Variants in RIMS2 observed in about 807,000 individuals in gnomAD.
RIMS2 encodes the protein regulating synaptic membrane exocytosis protein 2.
RIMS2 carries 59 observed loss-of-function variants against 174.4 expected under a neutral mutation model. The observed-to-expected ratio is 0.34, with a 90% CI of 0.27 to 0.42. The LOEUF is 0.42. Ranked by LOEUF, RIMS2 falls within the 10% of genes least tolerant of loss-of-function variation. RIMS2 has a pLI of 1.00. For missense variants in RIMS2, 1,620 were observed against 1,666.3 expected, an observed-to-expected ratio of 0.97 and a Z score of 0.48; for synonymous variants, 606 against 572.5, an observed-to-expected ratio of 1.06 and a Z score of -0.84.
intron 16 of RIMS2, among the ~76,000 whole-genome samples, chr8:103,980,760 C>T (rs2093828993): frequency 3.3e-5 from 5 of 152,152 alleles, no homozygotes; most frequent in Admixed American, 3.3e-4. Context: ...AAACCTTGGG[C>T]TTTCAGTGAA....
At chr8:104,018,775 A>G (rs1241899098) in intron 19 of RIMS2, among the ~76,000 whole-genome samples, 1 of 152,178 alleles carries the variant, frequency 6.6e-6, no homozygotes, top group Non-Finnish European at 1.5e-5. Context: ...TTTATAGACC[A>G]TGATCATTTT....
chr8:104,231,702 G>T (rs2099230215), intron 19 of RIMS2, among the ~76,000 whole-genome samples: 1 of 152,090 alleles, frequency 6.6e-6, no homozygotes, highest in Admixed American at 6.5e-5. Context: ...TACCTATCTT[G>T]ATGAATATCG....
chr8:104,065,130 A>C (rs2097082145), intron 19 of RIMS2, among the ~76,000 whole-genome samples: 1 of 152,068 alleles, frequency 6.6e-6, no homozygotes, highest in Admixed American at 6.6e-5. Flanking sequence ...TCTGTGGTCA[A>C]GTGGTTATTC....
At chr8:103,788,275 A>G (rs908106596) in intron 3 of RIMS2, among the ~76,000 whole-genome samples, 55 of 150,968 alleles carry the variant, frequency 3.6e-4, no homozygotes, top group Non-Finnish European at 1.6e-4. Flanking sequence ...TCAGCTCGTC[A>G]AAGTCATTCT....
At chr8:103,727,866 T>A (rs1197454928) in intron 2 of RIMS2, among the ~76,000 whole-genome samples, 4 of 152,240 alleles carry the variant, frequency 2.6e-5, no homozygotes, top group East Asian at 3.9e-4. Flanking sequence ...TGAAGTGAAG[T>A]AATGTGATTC....
At chr8:104,160,182 A>G (rs1431308713) in intron 19 of RIMS2, among the ~76,000 whole-genome samples, 1 of 152,156 alleles carries the variant, frequency 6.6e-6, no homozygotes, top group Non-Finnish European at 1.5e-5. Context: ...AACATATATT[A>G]TAACTTATTT....
intron 3 of RIMS2, among the ~76,000 whole-genome samples, chr8:103,776,531 T>C (rs551757688): frequency 6.6e-6 from 1 of 152,230 alleles, no homozygotes; most frequent in Admixed American, 6.5e-5. Context: ...TATTGTATAG[T>C]GTAAATTTAT....
At chr8:104,170,416 A>G (rs2098825328) in intron 19 of RIMS2, among the ~76,000 whole-genome samples, 2 of 152,078 alleles carry the variant, frequency 1.3e-5, no homozygotes, top group African/African-American at 4.8e-5. Flanking sequence ...TTATCATTAT[A>G]TAACATGGTT....
intron 3 of RIMS2, among the ~76,000 whole-genome samples, chr8:103,823,832 G>T (rs943182947): frequency 1.9e-4 from 29 of 151,974 alleles, no homozygotes; most frequent in Admixed American, 1.8e-3. Flanking sequence ...TATGATTCCA[G>T]CACAGTTGAT....
chr8:104,011,443 C>T (rs572324269), intron 17 of RIMS2, among the ~76,000 whole-genome samples: 9 of 151,930 alleles, frequency 5.9e-5, no homozygotes, highest in East Asian at 3.9e-4. Flanking sequence ...TTTTTTATAA[C>T]GAGACATTTT....
intron 1 of RIMS2, among the ~76,000 whole-genome samples, chr8:103,696,114 G>C (rs1253726552): frequency 6.6e-6 from 1 of 151,980 alleles, no homozygotes; most frequent in Non-Finnish European, 1.5e-5. Flanking sequence ...TTAACTCTTG[G>C]ATGCACTGTT....
intron 1 of RIMS2, among the ~76,000 whole-genome samples, chr8:103,519,170 T>C (rs1830450922): frequency 6.6e-6 from 1 of 152,122 alleles, no homozygotes; most frequent in African/African-American, 2.4e-5. Context: ...GAATAAACAA[T>C]TCAGTGAATT....
At chr8:104,142,290 G>A (rs764922862) in intron 19 of RIMS2, among the ~76,000 whole-genome samples, 4 of 151,820 alleles carry the variant, frequency 2.6e-5, no homozygotes. Flanking sequence ...ACCACACCCA[G>A]CTAATTTTTG....
intron 3 of RIMS2, among the ~76,000 whole-genome samples, chr8:103,798,846 G>T (rs2098579083): frequency 6.6e-6 from 1 of 151,608 alleles, no homozygotes; most frequent in Admixed American, 6.6e-5. Context: ...TGGACCTTGA[G>T]ATAGGGAGAT....
intron 3 of RIMS2, among the ~76,000 whole-genome samples, chr8:103,882,619 G>T (rs1008654625): frequency 1.3e-5 from 2 of 151,356 alleles, no homozygotes; most frequent in Non-Finnish European, 3.0e-5. Context: ...AGTACAAATC[G>T]ACATCTACAG....
Position 104,196,785 on chromosome 8 carries a change from A to AT in RIMS2, c.3335-48130dup, listed in dbSNP as rs199935229. Among the ~76,000 whole-genome samples the AT allele has an allele frequency of 3.9e-3, 531 of 136,338 alleles. 3 individuals are homozygous for AT. Among genetic ancestry groups the AT allele is most frequent in the African/African-American group, 0.014 (508 of 35,474 alleles). 89.4% of individuals were successfully genotyped at this position (136,338 alleles called of 152,430 possible). Reference sequence around the variant, plus strand: ...TGATATAGATGCTTAACAAATATCCATATTTAATTTAACTTAGTATAACTT... The same window carrying AT: ...TGATATAGATGCTTAACAAATATCCATTATTTAATTTAACTTAGTATAACTT... On this transcript the variant is annotated intron_variant, in intron 19 of 23. Transcript: ENST00000504942.
At chr8:103,545,053 A>G (rs1030879452) in intron 1 of RIMS2, among the ~76,000 whole-genome samples, 1 of 152,248 alleles carries the variant, frequency 6.6e-6, no homozygotes. Context: ...AAATGACTGC[A>G]ATGTCAGAAA....
chr8:103,890,714 A>G (rs1228569364), intron 4 of RIMS2, among the ~76,000 whole-genome samples: 2 of 151,894 alleles, frequency 1.3e-5, no homozygotes, highest in South Asian at 4.1e-4. Flanking sequence ...CCTTTGGGCT[A>G]TAGAAGGAGG....
intron 2 of RIMS2, among the ~76,000 whole-genome samples, chr8:103,711,717 G>A (rs1032169559): frequency 6.6e-5 from 10 of 151,976 alleles, no homozygotes; most frequent in African/African-American, 2.2e-4. Flanking sequence ...GCAACATGGT[G>A]AAACCTCATC....
Sources: allele counts gnomAD v4.1 joint callset (sites outside exome capture counted in the v4.1 genomes callset), GRCh38; gene constraint gnomAD v4.1.1; transcripts MANE v1.5; gene names NCBI Gene and HGNC (gene_info 2026-07-23, HGNC 2026-07-21).